The following RBFOX1 variants were observed in gnomAD, a reference collection of about 807,000 sequenced individuals.
The protein encoded by RBFOX1 is RNA binding fox-1 homolog 1.
A neutral mutation model predicts 57.7 loss-of-function variants in RBFOX1; 8 were observed. The observed-to-expected ratio is 0.14, with a 90% confidence interval of 0.08 to 0.25. The LOEUF is 0.25. Ranked by LOEUF, RBFOX1 falls within the 10% of genes least tolerant of loss-of-function variation. The pLI is 1.00. For synonymous variants in RBFOX1, 326 were observed against 222.4 expected (o/e 1.47, Z -4.15); for missense variants, 611 against 548.5 (o/e 1.11, Z -1.14).
intron 2 of RBFOX1, among the ~76,000 whole-genome samples, chr16:6,504,627 G>T (rs541745335): frequency 6.8e-4 from 104 of 152,330 alleles, no homozygotes; most frequent in Non-Finnish European, 1.3e-3. Flanking sequence ...ATGGGCAAGT[G>T]TGAGGGGTAG....
At chr16:6,519,426 C>T (rs1228527225) in intron 2 of RBFOX1, among the ~76,000 whole-genome samples, 3 of 152,236 alleles carry the variant, frequency 2.0e-5, no homozygotes, top group South Asian at 2.1e-4. Context: ...TGTGGCTGGG[C>T]GCAGTGGCTC....
intron 3 of RBFOX1, among the ~76,000 whole-genome samples, chr16:7,043,415 A>G (rs2046838528): frequency 1.3e-5 from 2 of 152,318 alleles, no homozygotes; most frequent in African/African-American, 2.4e-5. Context: ...TACCCTGAGT[A>G]CATATGTCAA....
chr16:6,648,850 G>A (rs1204480024), intron 2 of RBFOX1, among the ~76,000 whole-genome samples: 2 of 152,132 alleles, frequency 1.3e-5, no homozygotes, highest in Admixed American at 6.6e-5. Flanking sequence ...ACTGACAAAA[G>A]TTATATATAT....
intron 4 of RBFOX1, among the ~76,000 whole-genome samples, chr16:7,174,297 T>G (rs186738628): frequency 2.4e-3 from 367 of 152,242 alleles, no homozygotes; most frequent in Non-Finnish European, 4.2e-3. Flanking sequence ...ATGGACCACA[T>G]TTTGTTTATC....
intron 11 of RBFOX1, 28 bp from the exon 12 acceptor site, chr16:7,653,787 T>TCTC (rs769922969): frequency 2.6e-5 from 41 of 1,580,708 alleles, no homozygotes; most frequent in Non-Finnish European, 3.3e-5. Context: ...GCCTGTGCTC[T>TCTC]CTCTCTCTCT....
chr16:6,513,752 CA>C (rs201934725), intron 2 of RBFOX1, among the ~76,000 whole-genome samples: 8 of 150,648 alleles, frequency 5.3e-5, no homozygotes, highest in African/African-American at 1.5e-4. Flanking sequence ...AACAAACAAA[CA>C]AAAAAAAACA....
At chr16:6,311,419 G>T (rs1451874821) in intron 1 of RBFOX1, among the ~76,000 whole-genome samples, 1 of 151,890 alleles carries the variant, frequency 6.6e-6, no homozygotes, top group East Asian at 1.9e-4. Flanking sequence ...TCATCACAGA[G>T]ACCAAGCATC....
At chr16:5,652,932 A>T (rs72765129) in intron 3 of RBFOX1, among the ~76,000 whole-genome samples, 1 of 152,080 alleles carries the variant, frequency 6.6e-6, no homozygotes, top group Non-Finnish European at 1.5e-5. Context: ...TTCCTTTCTC[A>T]TATCAGGGGT....
chr16:7,409,055 A>G (rs2149030778), intron 4 of RBFOX1, among the ~76,000 whole-genome samples: 1 of 152,300 alleles, frequency 6.6e-6, no homozygotes, highest in Non-Finnish European at 1.5e-5. Flanking sequence ...CACTGCAAAG[A>G]CGAGATTGCC....
chr16:7,006,948 C>G (rs1045979416), intron 3 of RBFOX1, among the ~76,000 whole-genome samples: 1 of 152,136 alleles, frequency 6.6e-6, no homozygotes, highest in African/African-American at 2.4e-5. Context: ...TTTTCGTAGT[C>G]TTAGTTTTCT....
At chr16:7,379,096 T>C (rs574656200) in intron 4 of RBFOX1, among the ~76,000 whole-genome samples, 1 of 152,296 alleles carries the variant, frequency 6.6e-6, no homozygotes, top group South Asian at 2.1e-4. Context: ...TTCTGGCCAG[T>C]CATAAACATT....
intron 3 of RBFOX1, among the ~76,000 whole-genome samples, chr16:6,832,390 G>C (rs920618591): frequency 1.3e-5 from 2 of 152,160 alleles, no homozygotes; most frequent in Non-Finnish European, 1.5e-5. Flanking sequence ...GATTTCCCCA[G>C]ATTGCTACTT....
At chr16:6,695,743 A>G (rs117737478) in intron 3 of RBFOX1, among the ~76,000 whole-genome samples, 2,580 of 152,320 alleles carry the variant, frequency 0.017, 41 homozygotes, top group Non-Finnish European at 0.026. Flanking sequence ...TTCAAGAATC[A>G]TGAATCCTCT....
At chr16:6,092,078 C>G (rs1021750549) in intron 1 of RBFOX1, among the ~76,000 whole-genome samples, 4 of 152,198 alleles carry the variant, frequency 2.6e-5, no homozygotes, top group African/African-American at 9.6e-5. Flanking sequence ...ACCTAGCAAT[C>G]CTTCTGGAGT....
At chr16:5,305,278 A>C (rs892467444) in intron 1 of RBFOX1, among the ~76,000 whole-genome samples, 2 of 152,138 alleles carry the variant, frequency 1.3e-5, no homozygotes, top group Non-Finnish European at 2.9e-5. Context: ...AAGTGTTCCT[A>C]TTCTGAGCCT....
At position 6,522,364 on chromosome 16, in the gene RBFOX1, C is replaced by T. The variant is rs76340696; in HGVS notation, c.-63-132239C>T. ...AAATATTGATGGCTTACCACTTTCC[C>T]CTGTTGGATTAATTTTTACCCAAGC... On this transcript the variant is annotated intron_variant, in intron 2 of 15. Transcript: ENST00000550418. Among the ~76,000 whole-genome samples the T allele has an allele frequency of 1.5e-3, 225 of 152,126 alleles. 1 individual carries two copies. Among genetic ancestry groups the T allele is most frequent in the African/African-American group, 5.2e-3 (215 of 41,480 alleles).
intron 5 of RBFOX1, among the ~76,000 whole-genome samples, chr16:7,529,084 C>A (rs967068287): frequency 1.3e-5 from 2 of 152,120 alleles, no homozygotes; most frequent in Admixed American, 1.3e-4. Context: ...CATGGTGAAA[C>A]CCTGTCTCGA....
At chr16:5,915,529 C>T (rs956619050) in intron 4 of RBFOX1, among the ~76,000 whole-genome samples, 1 of 151,968 alleles carries the variant, frequency 6.6e-6, no homozygotes, top group African/African-American at 2.4e-5. Flanking sequence ...AGTAGGTAGT[C>T]AGAGAAGTTT....
At chr16:6,972,930 C>G (rs1486817719) in intron 3 of RBFOX1, among the ~76,000 whole-genome samples, 1 of 152,126 alleles carries the variant, frequency 6.6e-6, no homozygotes, top group Non-Finnish European at 1.5e-5. Context: ...TCGAGGCCAA[C>G]TTGGCCAACA....
Sources: allele counts gnomAD v4.1 joint callset (sites outside exome capture counted in the v4.1 genomes callset), GRCh38; gene constraint gnomAD v4.1.1; transcripts MANE v1.5; gene names NCBI Gene and HGNC (gene_info 2026-07-23, HGNC 2026-07-21).